Variants in PTGDR observed in about 807,000 individuals in gnomAD.
PTGDR encodes prostaglandin D2 receptor.
In PTGDR, 19 loss-of-function variants were observed where a neutral mutation model predicts 17.4. That is an observed-to-expected ratio of 1.09 (90% CI 0.76 to 1.60). The LOEUF is 1.60. Among genes scored for constraint, PTGDR ranks in the 40% most tolerant of loss-of-function variants. PTGDR has a pLI of 0.00. For synonymous variants in PTGDR, 267 were observed against 224.2 expected (o/e 1.19, Z -1.71); for missense variants, 526 against 481.9 (o/e 1.09, Z -0.86).
In PTGDR at chr14:52,268,218, G is replaced by GCCA; in HGVS notation, c.404_405insCCA (p.Gly135_His136insGln). On this transcript the variant is annotated inframe_insertion, in exon 1 of 2. Transcript: ENST00000306051. ...GCACTGGAGTGCTGGCTCTCCCTAGGGCACCCTTTCTTCTACCGACGGCAC... is the reference window on the plus strand; with the variant it reads ...GCACTGGAGTGCTGGCTCTCCCTAGGCCAGCACCCTTTCTTCTACCGACGGCAC... The GCCA allele has an allele frequency of 6.2e-7, 1 of 1,614,060 alleles. No homozygotes were observed. The highest frequency in any genetic ancestry group is 8.5e-7 in the Non-Finnish European group (1 of 1,180,036).
chr14:52,275,040 G>A lies in PTGDR; in HGVS notation c.*76G>A. On this transcript the variant is annotated 3_prime_UTR_variant, in exon 2 of 2. Coordinates refer to ENST00000306051, the MANE Select transcript of PTGDR (RefSeq NM_000953.3). ...AAAGAACCATGATTAAAAAAAAAAA[G>A]ACAACTTACAATTTAAATCCTTAAA... 1.8e-6 allele frequency: 2 copies of A among 1,107,178 alleles called. No homozygotes were observed. Among genetic ancestry groups the A allele is most frequent in the Non-Finnish European group, 2.6e-6 (2 of 781,946 alleles). The allele number at this position is 1,107,178 out of a possible 1,614,324, so 68.6% of individuals were successfully genotyped here.
chr14:52,277,819 T>G (rs906947372), downstream of PTGDR, among the ~76,000 whole-genome samples: 3 of 152,084 alleles, frequency 2.0e-5, no homozygotes, highest in Non-Finnish European at 2.9e-5. Context: ...GTGATTCTCA[T>G]GCATGCTAAT....
At chr14:52,273,419 C>G (rs2033359583) in intron 1 of PTGDR, among the ~76,000 whole-genome samples, 1 of 152,182 alleles carries the variant, frequency 6.6e-6, no homozygotes, top group Non-Finnish European at 1.5e-5. Flanking sequence ...AAAATTCAAT[C>G]TAGTTAAGTG....
At position 52,267,949 on chromosome 14, in the gene PTGDR, G is replaced by T. The variant is rs375352662; in HGVS notation, c.135G>T (p.Gly45=). The T allele has an allele frequency of 1.1e-5, 17 of 1,610,020 alleles. No individual in the cohort carries two copies. Among genetic ancestry groups the T allele is most frequent in the Non-Finnish European group, 1.4e-5 (16 of 1,179,562 alleles). The change falls in exon 1 of 2, where the codon GGG becomes GGT. Residue 45 remains glycine (G), a synonymous_variant. Transcript: ENST00000306051. ...LLALGLLARS[G]LGWCSRRPLR... is the part of the protein sequence containing the mutation. ...CCCTGGGGCTGCTGGCGCGCTCGGGGCTGGGGTGGTGCTCGCGGCGTCCAC... is the reference window on the plus strand; with the variant it reads ...CCCTGGGGCTGCTGGCGCGCTCGGGTCTGGGGTGGTGCTCGCGGCGTCCAC...
chr14:52,274,878 C>A lies in PTGDR; in HGVS notation c.994C>A (p.Arg332=), dbSNP rs770154151. 7.5e-6 allele frequency: 12 copies of A among 1,608,970 alleles called. No individual in the cohort carries two copies. The highest frequency in any genetic ancestry group is 1.0e-5 in the Non-Finnish European group (12 of 1,175,400). Residue 332 remains arginine (R), a synonymous_variant, in exon 2 of 2, where the codon CGG becomes AGG. Transcript: ENST00000306051. ...TATCATTTTCAGATCTCCAGTATTT[C>A]GGATATTTTTTCACAAGATTTTCAT... ...IFIIFRSPVF[R]IFFHKIFIRP...
In PTGDR at chr14:52,268,456, C is replaced by A. The variant is rs748069268; in HGVS notation, c.642C>A (p.Thr214=). 3 of 1,609,886 alleles carry A rather than the reference C, an allele frequency of 1.9e-6. No individual in the cohort carries two copies. Among genetic ancestry groups the A allele is most frequent in the Non-Finnish European group, 2.5e-6 (3 of 1,180,010 alleles). ...TCATGGCGCTGCTGGTCCTCGCCAC[C>A]GTGCTGTGCAACCTCGGCGCCATGC... The part of the protein sequence containing the change: ...SSLMALLVLA[T]VLCNLGAMRN... The change falls in exon 1 of 2, where the codon ACC becomes ACA. Residue 214 remains threonine, a synonymous_variant. Coordinates refer to ENST00000306051, the MANE Select transcript of PTGDR (RefSeq NM_000953.3).
rs1465285236 is a variant in PTGDR at position 52,275,435 on chromosome 14, T to G, written c.*471T>G. 4 of 157,028 alleles carry G rather than the reference T, an allele frequency of 2.5e-5. No individual in the cohort carries two copies. Among genetic ancestry groups the G allele is most frequent in the Admixed American group, 2.5e-4 (4 of 16,046 alleles). 9.7% of individuals were successfully genotyped at this position (157,028 alleles called of 1,614,324 possible). A position where few individuals can be genotyped will look rare whatever the true frequency, so the allele number is the denominator to read the frequency against. Reference sequence around the variant, plus strand: ...TTCATTGATTTTATATCATTGCCGATGTTTAGTTCATTTCTTTGCCAATTG... The same window carrying G: ...TTCATTGATTTTATATCATTGCCGAGGTTTAGTTCATTTCTTTGCCAATTG... On this transcript the variant is annotated 3_prime_UTR_variant, in exon 2 of 2. Coordinates refer to ENST00000306051, the MANE Select transcript of PTGDR (RefSeq NM_000953.3).
chr14:52,278,052 A>C (rs1439647632), downstream of PTGDR, among the ~76,000 whole-genome samples: 3 of 152,208 alleles, frequency 2.0e-5, no homozygotes, highest in Non-Finnish European at 2.9e-5. Flanking sequence ...TGTGGAAGTC[A>C]GTGTGGCAAT....
chr14:52,267,915 A>G lies in PTGDR; in HGVS notation c.101A>G (p.Asn34Ser), dbSNP rs1423804319. The G allele has an allele frequency of 1.9e-6, 3 of 1,610,240 alleles. No individual in the cohort carries two copies. Among genetic ancestry groups the G allele is most frequent in the East Asian group, 4.5e-5 (2 of 44,798 alleles). The change falls in exon 1 of 2, where the codon AAC becomes AGC. Residue 34 changes from asparagine (N) to serine (S), a missense_variant. Coordinates refer to ENST00000306051, the MANE Select transcript of PTGDR (RefSeq NM_000953.3). ...CTCTTCAGCACCGGCCTCCTGGGCAACCTGCTGGCCCTGGGGCTGCTGGCG... is the reference window on the plus strand; with the variant it reads ...CTCTTCAGCACCGGCCTCCTGGGCAGCCTGCTGGCCCTGGGGCTGCTGGCG... ...GVLFSTGLLG[N>S]LLALGLLARS...
At chr14:52,274,612 C>G in intron 1 of PTGDR, 119 bp from the exon 2 acceptor site, 1 of 849,322 alleles carries the variant, frequency 1.2e-6, no homozygotes, top group Non-Finnish European at 1.8e-6. Context: ...GTAAATGTAC[C>G]AAAAATGGGT....
Position 52,275,188 on chromosome 14 carries a change from A to T in PTGDR, c.*224A>T. 1 of 464,524 alleles carries T rather than the reference A, an allele frequency of 2.2e-6. No homozygotes were observed. Among genetic ancestry groups the T allele is most frequent in the Non-Finnish European group, 3.8e-6 (1 of 262,028 alleles). The allele number at this position is 464,524 out of a possible 1,614,324, so 28.8% of individuals were successfully genotyped here. A position where few individuals can be genotyped will look rare whatever the true frequency, so the allele number is the denominator to read the frequency against. ...CATTTTCATTTTTTTATTAACAGCA[A>T]CTAAAATTTTATATATTGTAACCAG... is the stretch of plus-strand genomic sequence containing the variant. On this transcript the variant is annotated 3_prime_UTR_variant, in exon 2 of 2. Coordinates refer to ENST00000306051, the MANE Select transcript of PTGDR (RefSeq NM_000953.3).
chr14:52,271,902 C>T (rs2033329026), intron 1 of PTGDR, among the ~76,000 whole-genome samples: 1 of 152,152 alleles, frequency 6.6e-6, no homozygotes, highest in Non-Finnish European at 1.5e-5. Flanking sequence ...GTATCTTTAT[C>T]TGAAGGGGGA....
In PTGDR at chr14:52,268,243, C is replaced by T; in HGVS notation, c.429C>T (p.His143=). 1 of 1,614,040 alleles carries T rather than the reference C, an allele frequency of 6.2e-7. No individual in the cohort carries two copies. The stretch of plus-strand genomic sequence containing the variant: ...GGCACCCTTTCTTCTACCGACGGCA[C>T]ATCACCCTGCGCCTGGGCGCACTGG... ...SLGHPFFYRR[H]ITLRLGALVA... is the part of the protein sequence containing the mutation. Residue 143 remains histidine (H), a synonymous_variant, in exon 1 of 2, where the codon CAC becomes CAT. Transcript: ENST00000306051.
At chr14:52,272,406 G>T in intron 1 of PTGDR, among the ~76,000 whole-genome samples, 1 of 151,786 alleles carries the variant, frequency 6.6e-6, no homozygotes, top group East Asian at 1.9e-4. Context: ...GGTCAAGGCT[G>T]CATTGAGCCT....
chr14:52,278,917 G>A (rs953171925), downstream of PTGDR, among the ~76,000 whole-genome samples: 2 of 151,976 alleles, frequency 1.3e-5, no homozygotes, highest in Admixed American at 6.6e-5. Flanking sequence ...ACTCTCTATA[G>A]GATAGAAATT....
In PTGDR at chr14:52,275,839, T is replaced by C; in HGVS notation, c.*875T>C. ...CTTTGAAAACCAGTGTGTGACTCAC[T>C]GTAGAGCCATGTTTACTGTTTGACT... On this transcript the variant is annotated 3_prime_UTR_variant, in exon 2 of 2. Transcript: ENST00000306051. The C allele has an allele frequency of 6.6e-6, 1 of 152,586 alleles. No homozygotes were observed. The highest frequency in any genetic ancestry group is 1.9e-4 in the East Asian group (1 of 5,200). 9.5% of individuals were successfully genotyped at this position (152,586 alleles called of 1,614,324 possible). A position where few individuals can be genotyped will look rare whatever the true frequency, so the allele number is the denominator to read the frequency against.
At chr14:52,269,507 A>G (rs1229077128) in intron 1 of PTGDR, 1 of 1,535,136 alleles carries the variant, frequency 6.5e-7, no homozygotes, top group Non-Finnish European at 8.7e-7. Context: ...GCTTGAGGAA[A>G]CATTTTCAGT....
Position 52,274,970 on chromosome 14 carries a change from T to G in PTGDR, c.*6T>G, listed in dbSNP as rs2033396777. The G allele has an allele frequency of 6.5e-7, 1 of 1,528,778 alleles. No individual in the cohort carries two copies. Among genetic ancestry groups the G allele is most frequent in the South Asian group, 1.1e-5 (1 of 87,926 alleles). The allele number at this position is 1,528,778 out of a possible 1,614,324, so 94.7% of individuals were successfully genotyped here. On this transcript the variant is annotated 3_prime_UTR_variant, in exon 2 of 2. Transcript: ENST00000306051. ...ACATGGAATCCAGTCTGTGACAGTG[T>G]TTTTCACTCTGTGGTAAGCTGAGGA...
intron 1 of PTGDR, among the ~76,000 whole-genome samples, chr14:52,274,373 T>C (rs550283323): frequency 6.6e-6 from 1 of 152,258 alleles, no homozygotes; most frequent in East Asian, 1.9e-4. Flanking sequence ...AGAAAGAGAT[T>C]CTGTATTTAT....
Sources: allele counts gnomAD v4.1 joint callset (sites outside exome capture counted in the v4.1 genomes callset), GRCh38; gene constraint gnomAD v4.1.1; transcripts MANE v1.5; gene names NCBI Gene and HGNC (gene_info 2026-07-23, HGNC 2026-07-21).